TTN: variants seen among roughly 807,000 people sequenced by gnomAD.
TTN encodes titin.
A neutral mutation model predicts 3,223.0 loss-of-function variants in TTN; 1,525 were observed. The ratio of observed to expected loss-of-function variants is 0.47; its 90% CI spans 0.45 to 0.49. The LOEUF (loss-of-function observed/expected upper bound fraction) is 0.49. Ranked by LOEUF, TTN falls within the 20% of genes least tolerant of loss-of-function variation. The pLI is 0.00. For missense variants in TTN, 40,786 were observed against 43,424.0 expected (o/e 0.94, Z 5.40); for synonymous variants, 14,094 against 15,161.0 (o/e 0.93, Z 5.17).
At chr2:178,766,667 G>A (rs1356333045) in intron 40 of TTN, 55 bp from the exon 41 acceptor site, 1 of 1,397,492 alleles carries the variant, frequency 7.2e-7, no homozygotes, top group Non-Finnish European at 1.0e-6. Context: ...TTGAAGCTCT[G>A]GTTTCCTCCC....
In TTN at chr2:178,775,373, G is replaced by A. The variant is rs1338410239; in HGVS notation, c.6491C>T (p.Ala2164Val). ...CAAATTACCTTGGACAAGTAAGAAT[G>A]CGTGACTGGAGGTTTCTCCAGCTAT... is the stretch of plus-strand genomic sequence containing the variant. ...INIAGETSSHAFLLVQAKQLI... is the reference protein window; with the variant it reads ...INIAGETSSHVFLLVQAKQLI... The change falls in exon 28 of 363, where the codon GCA becomes GTA. Residue 2164 changes from alanine (A) to valine (V), a missense_variant. Physicochemically the swap from Ala to Val is moderately conservative, Grantham distance 64 (BLOSUM62 0). Transcript: ENST00000589042. 3.1e-6 allele frequency: 5 copies of A among 1,613,930 alleles called. No homozygotes were observed. The highest frequency in any genetic ancestry group is 1.3e-5 in the African/African-American group (1 of 74,914).
chr2:178,678,583 A>AGG, intron 143 of TTN, 86 bp from the exon 144 acceptor site: 5 of 1,243,880 alleles, frequency 4.0e-6, no homozygotes, highest in Non-Finnish European at 5.5e-6. Context: ...AGATAAGGTA[A>AGG]TAAAAGTATG....
chr2:178,648,087 A>G (rs2062310018), intron 213 of TTN, among the ~76,000 whole-genome samples: 1 of 152,134 alleles, frequency 6.6e-6, no homozygotes, highest in Admixed American at 6.6e-5. Context: ...ATGGGTCTTT[A>G]CTATTTAGTA....
Position 178,552,773 on chromosome 2 carries a change from T to A in TTN, c.90127A>T (p.Thr30043Ser). The stretch of plus-strand genomic sequence containing the variant: ...CAGCTGAGGATGACAGATGTCTTTG[T>A]TGAGTCTTTCATTGAGAGATCACGT... ...PIRDLSMKDSTKTSVILSWTK... is the reference protein window; with the variant it reads ...PIRDLSMKDSSKTSVILSWTK... Residue 30043 changes from threonine to serine, a missense_variant, in exon 335 of 363, where the codon ACA becomes TCA. Thr to Ser is a moderately conservative substitution (Grantham distance 58). Transcript: ENST00000589042. 1.9e-6 allele frequency: 3 copies of A among 1,613,952 alleles called. No individual in the cohort carries two copies. Among genetic ancestry groups the A allele is most frequent in the Non-Finnish European group, 2.5e-6 (3 of 1,179,834 alleles).
rs2060282135 is a variant in TTN, at chr2:178,635,161, T to C, written c.42024+4A>G. ...CTAACAATTTAAAATGTGAAATTAC[T>C]CACAGGTGAGGGCCTTAGAAGTTCT... On this transcript the variant is annotated splice_donor_region_variant and intron_variant, in intron 228 of 362. Transcript: ENST00000589042. The C allele has an allele frequency of 2.5e-6, 4 of 1,610,430 alleles. No homozygotes were observed. Among genetic ancestry groups the C allele is most frequent in the African/African-American group, 1.3e-5 (1 of 74,628 alleles).
In TTN at chr2:178,590,724, C is replaced by T. The variant is rs779468027; in HGVS notation, c.61001G>A (p.Gly20334Glu). 6.2e-7 allele frequency: 1 copy of T among 1,612,584 alleles called. No individual in the cohort carries two copies. The highest frequency in any genetic ancestry group is 8.5e-7 in the Non-Finnish European group (1 of 1,179,178). ...CTCATATGTATTTCCTTCATAGAGTCCAGTCACTCTGAACTTCAGGTCAGC... is the reference window on the plus strand; with the variant it reads ...CTCATATGTATTTCCTTCATAGAGTTCAGTCACTCTGAACTTCAGGTCAGC... Reference protein sequence around the residue: ...PIADLKFRVTGLYEGNTYEFR... With the variant: ...PIADLKFRVTELYEGNTYEFR... The change falls in exon 304 of 363, where the codon GGA becomes GAA. Residue 20334 changes from glycine to glutamate, a missense_variant. Physicochemically the swap from Gly to Glu is moderately conservative, Grantham distance 98. Transcript: ENST00000589042.
chr2:178,765,097 T>C (rs1196836342), intron 41 of TTN, among the ~76,000 whole-genome samples: 2 of 152,144 alleles, frequency 1.3e-5, no homozygotes, highest in Non-Finnish European at 2.9e-5. Flanking sequence ...CAGTTTCTGT[T>C]TGTGGTGGGG....
intron 357 of TTN, 22 bp from the exon 358 acceptor site, chr2:178,535,871 A>C: frequency 6.6e-7 from 1 of 1,516,932 alleles, no homozygotes; most frequent in South Asian, 1.3e-5. Context: ...AAAAAAAAAA[A>C]AAGAATATAA....
rs1060500595 is a variant in TTN at position 178,543,297 on chromosome 2, G to T, written c.96676C>A (p.Pro32226Thr). The change falls in exon 347 of 363, where the codon CCA becomes ACA. Residue 32226 changes from proline to threonine, a missense_variant. Transcript: ENST00000589042. Reference protein sequence around the residue: ...KSTVTLAWEKPLYDGGSRLTG... With the variant: ...KSTVTLAWEKTLYDGGSRLTG... ...AGTCGGCTACCACCATCGTAGAGTG[G>T]TTTTTCCCAGGCAAGGGTAACAGTG... 6.2e-7 allele frequency: 1 copy of T among 1,613,800 alleles called. No individual in the cohort carries two copies. The highest frequency in any genetic ancestry group is 2.2e-5 in the East Asian group (1 of 44,858).
chr2:178,578,326 G>T, intron 321 of TTN, 141 bp from the exon 322 acceptor site: 2 of 807,666 alleles, frequency 2.5e-6, no homozygotes, highest in Non-Finnish European at 3.7e-6. Flanking sequence ...TATTACCCAA[G>T]CATAGTGCCA....
At position 178,714,473 on chromosome 2, in the gene TTN, C is replaced by T. The variant is rs567685488; in HGVS notation, c.26301G>A (p.Val8767=). The T allele has an allele frequency of 1.9e-6, 3 of 1,613,570 alleles. No homozygotes were observed. The South Asian group carries it at 3.3e-5, about 18-fold the overall frequency. ...TTIEGAEPIS[V]VWFKDKGEIV... ...TTTCTCCCTTATCTTTGAACCACAC[C>T]ACTGAAATGGGTTCAGCGCCTTCAA... The change falls in exon 91 of 363, where the codon GTG becomes GTA. Residue 8767 remains valine, a synonymous_variant. Coordinates refer to ENST00000589042, the MANE Select transcript of TTN (RefSeq NM_001267550.2).
intron 352 of TTN, 43 bp downstream of exon 352, chr2:178,539,339 G>A: frequency 6.3e-7 from 1 of 1,596,288 alleles, no homozygotes; most frequent in Non-Finnish European, 8.6e-7. Flanking sequence ...ACAGAAAAGT[G>A]CTGAAATAAT....
At chr2:178,668,131 G>T (rs1291148126) in intron 159 of TTN, among the ~76,000 whole-genome samples, 2 of 152,038 alleles carry the variant, frequency 1.3e-5, no homozygotes, top group Non-Finnish European at 2.9e-5. Flanking sequence ...CTTTCTAGAA[G>T]CCTCATTATC....
At position 178,705,158 on chromosome 2, in the gene TTN, A is replaced by T; in HGVS notation, c.29604+16T>A. 2 of 1,608,562 alleles carry T rather than the reference A, an allele frequency of 1.2e-6. No individual in the cohort carries two copies. The highest frequency in any genetic ancestry group is 1.1e-5 in the South Asian group (1 of 89,510). Reference sequence around the variant, plus strand: ...TGTGACTTTTTTAGCATGATGCTATATATGAAGGAGCATACCAGTCTATGT... The same window carrying T: ...TGTGACTTTTTTAGCATGATGCTATTTATGAAGGAGCATACCAGTCTATGT... On this transcript the variant is annotated intron_variant, in intron 103 of 362. Transcript: ENST00000589042.
chr2:178,621,770 A>G, intron 244 of TTN, 29 bp from the exon 245 acceptor site: 1 of 1,609,108 alleles, frequency 6.2e-7, no homozygotes, highest in Non-Finnish European at 8.5e-7. Context: ...CAAAAACCAC[A>G]TTGAGTTAAG....
At chr2:178,619,457 T>C (rs2057933948) in intron 250 of TTN, 164 bp downstream of exon 250, 5 of 772,458 alleles carry the variant, frequency 6.5e-6, no homozygotes, top group South Asian at 3.7e-5. Flanking sequence ...TTCCTCTTAC[T>C]CAAGACACTT....
chr2:178,598,680 A>G (rs1576235651), intron 291 of TTN, 26 bp from the exon 292 acceptor site: 2 of 1,602,162 alleles, frequency 1.2e-6, no homozygotes, highest in African/African-American at 2.7e-5. Context: ...ATACGTTAGT[A>G]TTCTTGACTT....
In TTN at chr2:178,777,022, G is replaced by GGCA. The variant is rs757538494; in HGVS notation, c.4839_4841dup (p.Ala1614dup). The GGCA allele has an allele frequency of 1.9e-6, 3 of 1,613,988 alleles. No homozygotes were observed. In the South Asian group the frequency reaches 3.3e-5, roughly 18 times the overall value. ...GGCTGACAGTGGAATCGATTTTAAG[G>GGCA]GCAGCTTCTCCCTTGGTTCCTTCAA... On this transcript the variant is annotated inframe_insertion, in exon 28 of 363. Coordinates refer to ENST00000589042, the MANE Select transcript of TTN (RefSeq NM_001267550.2).
chr2:178,806,851 C>T (rs2094339977), intron 1 of TTN, among the ~76,000 whole-genome samples: 1 of 152,166 alleles, frequency 6.6e-6, no homozygotes, highest in Admixed American at 6.5e-5. Flanking sequence ...TCTTGGTGTG[C>T]TTAACTTTAT....
Sources: gnomAD v4.1 joint callset for allele counts (sites outside exome capture counted in the v4.1 genomes callset) on GRCh38, gnomAD v4.1.1 for gene constraint, MANE v1.5 for transcripts, NCBI Gene and HGNC (gene_info 2026-07-23, HGNC 2026-07-21) for gene names.